MAD1L1: variants seen among roughly 807,000 people sequenced by gnomAD.
The protein encoded by MAD1L1 is mitotic spindle assembly checkpoint protein MAD1.
Under a neutral mutation model 96.9 loss-of-function variants are expected in MAD1L1, and 95 were observed. The ratio of observed to expected loss-of-function variants is 0.98; its 90% CI spans 0.83 to 1.16. MAD1L1 has a LOEUF of 1.16. Ranked by LOEUF, MAD1L1 falls within the 50% of genes most tolerant of loss-of-function variation. The probability of loss-of-function intolerance (pLI) is 0.00; values close to 1 mark genes in which losing one functional copy is unlikely to be tolerated. For synonymous variants in MAD1L1, 473 were observed against 396.6 expected, an observed-to-expected ratio of 1.19 and a Z score of -2.29; for missense variants, 1,007 against 954.4, an observed-to-expected ratio of 1.06 and a Z score of -0.73.
chr7:1,825,631 G>A lies in MAD1L1; in HGVS notation c.1999-9403C>T, dbSNP rs183851955. On this transcript the variant is annotated intron_variant, in intron 18 of 18. Coordinates refer to ENST00000265854, the MANE Select transcript of MAD1L1 (RefSeq NM_001013836.2). ...CTGTCCACGGGTCTTTGCGGTGCCC[G>A]TCTGAGCGCCTGTGAACAGTGCTGG... Among the ~76,000 whole-genome samples the A allele has an allele frequency of 5.6e-3, 859 of 152,354 alleles. 6 individuals are homozygous for A. The highest frequency in any genetic ancestry group is 0.02 in the African/African-American group (822 of 41,566).
intron 18 of MAD1L1, among the ~76,000 whole-genome samples, chr7:1,823,116 C>A (rs897195289): frequency 6.6e-6 from 1 of 151,914 alleles, no homozygotes; most frequent in African/African-American, 2.4e-5. Flanking sequence ...TTAATCGATA[C>A]GGAAAAGTCA....
intron 11 of MAD1L1, among the ~76,000 whole-genome samples, chr7:2,128,255 A>T (rs1788333933): frequency 6.6e-6 from 1 of 152,086 alleles, no homozygotes; most frequent in African/African-American, 2.4e-5. Flanking sequence ...ACTGAATCGC[A>T]TTTGTCATCA....
At chr7:1,880,498 A>C (rs565229145) in intron 18 of MAD1L1, among the ~76,000 whole-genome samples, 14 of 152,298 alleles carry the variant, frequency 9.2e-5, no homozygotes, top group African/African-American at 3.4e-4. Context: ...AGGCTGCCCC[A>C]AAGTCCTCCC....
chr7:2,221,979 A>G (rs1423552728), intron 5 of MAD1L1, among the ~76,000 whole-genome samples: 3 of 152,192 alleles, frequency 2.0e-5, no homozygotes, highest in Non-Finnish European at 4.4e-5. Context: ...GCATACATAC[A>G]TGAGCGAACA....
At chr7:2,021,263 A>G (rs996564158) in intron 12 of MAD1L1, among the ~76,000 whole-genome samples, 2 of 152,242 alleles carry the variant, frequency 1.3e-5, no homozygotes, top group African/African-American at 4.8e-5. Flanking sequence ...ACACTTAGCC[A>G]TATCATATTC....
chr7:2,079,872 G>A (rs1369857907), intron 11 of MAD1L1: 1 of 402,700 alleles, frequency 2.5e-6, no homozygotes, highest in Non-Finnish European at 5.0e-6. Flanking sequence ...ACCGCCCCAT[G>A]CCCTCCAGCT....
chr7:1,832,630 T>TTTGGGGGGGGGGGGGGGGGGG lies in MAD1L1; in HGVS notation c.1999-16403_1999-16402insCCCCCCCCCCCCCCCCCCCAA. ...CTTCATTGCTGTGTTTTTTTTTTTT[T>TTTGGGGGGGGGGGGGGGGGGG]GGCGGGGGGGGGGGGGGTGGGGATG... On this transcript the variant is annotated intron_variant, in intron 18 of 18. Transcript: ENST00000265854. Among the ~76,000 whole-genome samples, 2 of 2,346 alleles carry TTTGGGGGGGGGGGGGGGGGGG rather than the reference T, an allele frequency of 8.5e-4. 1 individual carries two copies. The highest frequency in any genetic ancestry group is 0.011 in the Admixed American group (2 of 186). 1.5% of individuals were successfully genotyped at this position (2,346 alleles called of 152,430 possible).
At chr7:2,152,866 G>A (rs558650811) in intron 10 of MAD1L1, among the ~76,000 whole-genome samples, 153 of 152,284 alleles carry the variant, frequency 1.0e-3, no homozygotes, top group African/African-American at 3.0e-3. Flanking sequence ...TTGGGAGGCC[G>A]GGAGAGGACA....
intron 18 of MAD1L1, among the ~76,000 whole-genome samples, chr7:1,878,947 C>A (rs1785530597): frequency 6.6e-6 from 1 of 151,818 alleles, no homozygotes; most frequent in Admixed American, 6.6e-5. Flanking sequence ...AATACGAGAC[C>A]AATATATAAA....
intron 12 of MAD1L1, among the ~76,000 whole-genome samples, chr7:2,060,596 G>A (rs996723683): frequency 1.6e-4 from 25 of 152,170 alleles, no homozygotes; most frequent in African/African-American, 4.1e-4. Context: ...AGGAGGCAAC[G>A]ACGACAGCAT....
At position 2,038,498 on chromosome 7, in the gene MAD1L1, C is replaced by CTTTTTTTTTTTTTT. The variant is rs60466584; in HGVS notation, c.1219-23870_1219-23857dup. On this transcript the variant is annotated intron_variant, in intron 12 of 18. Coordinates refer to ENST00000265854, the MANE Select transcript of MAD1L1 (RefSeq NM_001013836.2). ...TGTTAGGAGATAATGAAGCTGATGA[C>CTTTTTTTTTTTTTT]TTTTTTTTTTTTTTTTTTTTTTTTT... is the stretch of plus-strand genomic sequence containing the variant. 2.4e-4 allele frequency among the ~76,000 whole-genome samples: 22 copies of CTTTTTTTTTTTTTT among 92,858 alleles called. 1 individual carries two copies. Among genetic ancestry groups the CTTTTTTTTTTTTTT allele is most frequent in the East Asian group, 4.4e-4 (1 of 2,276 alleles). The allele number at this position is 92,858 out of a possible 152,430, so 60.9% of individuals were successfully genotyped here.
intron 17 of MAD1L1, among the ~76,000 whole-genome samples, chr7:1,928,786 G>T (rs1209363616): frequency 6.6e-6 from 1 of 152,194 alleles, no homozygotes; most frequent in Non-Finnish European, 1.5e-5. Flanking sequence ...TGCCACGTGA[G>T]AGCTGGGCAC....
intron 17 of MAD1L1, among the ~76,000 whole-genome samples, chr7:1,910,311 G>A (rs989256779): frequency 6.6e-6 from 1 of 152,204 alleles, no homozygotes; most frequent in Non-Finnish European, 1.5e-5. Flanking sequence ...TATGTGGGGG[G>A]ACGTGGCACC....
At chr7:2,116,362 G>A (rs1787692179) in intron 11 of MAD1L1, among the ~76,000 whole-genome samples, 1 of 152,246 alleles carries the variant, frequency 6.6e-6, no homozygotes, top group Admixed American at 6.5e-5. Context: ...CACAGCAGGT[G>A]TTGAACAAAC....
At chr7:2,131,621 G>T (rs1193388578) in intron 11 of MAD1L1, among the ~76,000 whole-genome samples, 1 of 152,190 alleles carries the variant, frequency 6.6e-6, no homozygotes, top group Non-Finnish European at 1.5e-5. Flanking sequence ...AAATGTGCTG[G>T]AACATTCGTG....
chr7:1,978,983 G>A (rs1026553232), intron 15 of MAD1L1, among the ~76,000 whole-genome samples: 2 of 152,242 alleles, frequency 1.3e-5, no homozygotes, highest in Admixed American at 6.5e-5. Flanking sequence ...CTTCAGAGAC[G>A]CTGGAGGAAC....
At chr7:1,838,928 C>A in intron 18 of MAD1L1, 3 of 450,450 alleles carry the variant, frequency 6.7e-6, no homozygotes, top group South Asian at 1.6e-5. Flanking sequence ...GGGACAAGGA[C>A]AGAGTGTGCA....
At chr7:1,865,399 T>C (rs915141814) in intron 18 of MAD1L1, among the ~76,000 whole-genome samples, 6 of 152,230 alleles carry the variant, frequency 3.9e-5, no homozygotes, top group Non-Finnish European at 8.8e-5. Context: ...ATCCCAGCCC[T>C]GCTGCTGCCC....
intron 4 of MAD1L1, among the ~76,000 whole-genome samples, chr7:2,223,849 T>C (rs199927765): frequency 1.5e-4 from 21 of 142,916 alleles, no homozygotes; most frequent in African/African-American, 5.0e-4. Flanking sequence ...GTCTCGCCCC[T>C]AATAGGTATT....
Sources: allele counts gnomAD v4.1 joint callset (sites outside exome capture counted in the v4.1 genomes callset), GRCh38; gene constraint gnomAD v4.1.1; transcripts MANE v1.5; gene names NCBI Gene and HGNC (gene_info 2026-07-23, HGNC 2026-07-21).